MAGEA11: variants seen among roughly 807,000 people sequenced by gnomAD.
MAGEA11 encodes the protein melanoma-associated antigen 11.
A neutral mutation model predicts 8.4 loss-of-function variants in MAGEA11; 1 was observed. The observed-to-expected ratio is 0.12, with a 90% CI of 0.04 to 0.57. The LOEUF is 0.57. Ranked by LOEUF, MAGEA11 falls within the 20% of genes least tolerant of loss-of-function variation. The pLI is 0.91. For missense variants in MAGEA11, 209 were observed against 317.3 expected, an observed-to-expected ratio of 0.66 and a Z score of 2.59; for synonymous variants, 127 against 119.3, an observed-to-expected ratio of 1.06 and a Z score of -0.42.
intron 4 of MAGEA11, 37 bp downstream of exon 4, chrX:149,715,714 T>A: frequency 1.7e-6 from 2 of 1,198,264 alleles, no homozygotes; most frequent in African/African-American, 3.5e-5. Context: ...ATGGTTCATA[T>A]CTCATCTGAG....
At chrX:149,706,956 G>C (rs1473389598) in intron 1 of MAGEA11, among the ~76,000 whole-genome samples, 2 of 112,842 alleles carry the variant, frequency 1.8e-5, no homozygotes, top group Non-Finnish European at 3.7e-5. Context: ...AAGAGAGAGT[G>C]TTCAGATAGC....
intron 1 of MAGEA11, among the ~76,000 whole-genome samples, chrX:149,697,604 G>T (rs2090335081): frequency 9.1e-6 from 1 of 110,255 alleles, no homozygotes; most frequent in Admixed American, 9.6e-5. Flanking sequence ...GGGGTAGGGG[G>T]TTCCTAGGGG....
chrX:149,709,297 A>T (rs190560315), upstream of MAGEA11, among the ~76,000 whole-genome samples: 417 of 111,106 alleles, frequency 3.8e-3, 4 homozygotes, highest in African/African-American at 0.013. Flanking sequence ...AAAAAAAAAA[A>T]AAAGATCAAA....
At chrX:149,694,647 G>A (rs1304524594) in intron 1 of MAGEA11, among the ~76,000 whole-genome samples, 3 of 112,017 alleles carry the variant, frequency 2.7e-5, no homozygotes, top group Non-Finnish European at 5.6e-5. Context: ...GCCTTCAACA[G>A]TATCTGATGA....
At position 149,715,775 on chromosome X, in the gene MAGEA11, A is replaced by T; in HGVS notation, c.289A>T (p.Ile97Leu). 2.5e-6 allele frequency: 3 copies of T among 1,202,126 alleles called. No homozygotes were observed. The highest frequency in any genetic ancestry group is 3.4e-6 in the Non-Finnish European group (3 of 891,241). ...EQVLWGPITQ[I>L]FPTVRPADLT... ...CAGGCTGTGGGGCCCCATCACCCAG[A>T]TATTTCCCACAGTTCGGCCTGCTGA... The change falls in exon 5 of 5, where the codon ATA (isoleucine) becomes TTA (leucine). Residue 97 changes from isoleucine (I) to leucine (L), a missense_variant. This residue lies in a region of MAGEA11 where 131 missense variants were observed against 138.5 expected (regional missense o/e 0.95). Coordinates refer to ENST00000355220, the MANE Select transcript of MAGEA11 (RefSeq NM_005366.5).
chrX:149,713,305 T>C (rs782765668), intron 2 of MAGEA11, 50 bp downstream of exon 2: 9 of 809,465 alleles, frequency 1.1e-5, no homozygotes, highest in Non-Finnish European at 1.6e-5. Flanking sequence ...TGGCCACATG[T>C]GGTGCATCCT....
At chrX:149,693,277 A>G (rs2090317582) in intron 1 of MAGEA11, among the ~76,000 whole-genome samples, 1 of 112,285 alleles carries the variant, frequency 8.9e-6, no homozygotes, top group African/African-American at 3.2e-5. Flanking sequence ...ATTGGAATGT[A>G]TCTTATTCAG....
intron 1 of MAGEA11, among the ~76,000 whole-genome samples, chrX:149,695,796 T>G (rs782517018): frequency 1.9e-4 from 21 of 112,062 alleles, no homozygotes; most frequent in Non-Finnish European, 3.8e-4. Context: ...TTGCTGGGAA[T>G]GTTAAATTGC....
chrX:149,708,192 G>A (rs1234426696), upstream of MAGEA11, among the ~76,000 whole-genome samples: 3 of 111,963 alleles, frequency 2.7e-5, no homozygotes, highest in African/African-American at 9.8e-5. Flanking sequence ...ATTATTTCCC[G>A]AGGGTGATAT....
chrX:149,701,574 G>C (rs1236542707), intron 1 of MAGEA11, among the ~76,000 whole-genome samples: 2 of 109,571 alleles, frequency 1.8e-5, no homozygotes, highest in African/African-American at 6.7e-5. Flanking sequence ...AGTTTAATTA[G>C]ATCCCATTTG....
chrX:149,711,973 T>TCGCCC (rs1287444489), upstream of MAGEA11: 5 of 554,204 alleles, frequency 9.0e-6, no homozygotes, highest in Non-Finnish European at 1.0e-5. Flanking sequence ...CCGCCTCGCC[T>TCGCCC]CGCCCCGCCC....
chrX:149,713,551 T>C (rs2090412842), intron 2 of MAGEA11: 1 of 254,551 alleles, frequency 3.9e-6, no homozygotes, highest in Non-Finnish European at 6.8e-6. Flanking sequence ...CCTGCAAAAC[T>C]CATCCACAGT....
rs1209284963 is a variant in MAGEA11, at chrX:149,716,240, G to A, written c.754G>A (p.Val252Ile). 1 of 1,212,074 alleles carries A rather than the reference G, an allele frequency of 8.3e-7. No homozygotes were observed. The highest frequency in any genetic ancestry group is 1.1e-6 in the Non-Finnish European group (1 of 895,551). ...CACAAAGGCAGAAATGCTGGGGAGT[G>A]TCATCAAAAATTATGAGGACTACTT... ...LITKAEMLGS[V>I]IKNYEDYFPE... The change falls in exon 5 of 5, where the codon GTC (valine) becomes ATC (isoleucine). Residue 252 changes from valine (V) to isoleucine (I), a missense_variant. Around this residue, in one of 2 missense-constraint regions of MAGEA11, gnomAD observed 78 missense variants for 178.8 expected, o/e 0.44. Coordinates refer to ENST00000355220, the MANE Select transcript of MAGEA11 (RefSeq NM_005366.5).
intron 1 of MAGEA11, among the ~76,000 whole-genome samples, chrX:149,698,438 G>T (rs1292304309): frequency 9.0e-6 from 1 of 111,462 alleles, no homozygotes; most frequent in African/African-American, 3.3e-5. Context: ...AGATTGATTT[G>T]TGAATATTGA....
chrX:149,698,061 A>AT, intron 1 of MAGEA11, among the ~76,000 whole-genome samples: 1 of 112,104 alleles, frequency 8.9e-6, no homozygotes, highest in Middle Eastern at 4.6e-3. Flanking sequence ...AGTCTTGGGT[A>AT]TTTTTTTATA....
At chrX:149,710,933 C>T (rs1219176997), upstream of MAGEA11, among the ~76,000 whole-genome samples, 2 of 111,605 alleles carry the variant, frequency 1.8e-5, no homozygotes, top group Non-Finnish European at 3.8e-5. Flanking sequence ...TGAAGGAATA[C>T]TTGTGATTGG....
chrX:149,705,077 A>C (rs2090371175), intron 1 of MAGEA11, among the ~76,000 whole-genome samples: 1 of 112,590 alleles, frequency 8.9e-6, no homozygotes, highest in Non-Finnish European at 1.9e-5. Context: ...CCCTATGTTC[A>C]GCTCCAGCCC....
At chrX:149,700,431 C>T (rs2090347163) in intron 1 of MAGEA11, among the ~76,000 whole-genome samples, 1 of 111,146 alleles carries the variant, frequency 9.0e-6, no homozygotes, top group African/African-American at 3.3e-5. Context: ...AAAATATTTT[C>T]TAATTTCCTT....
intron 1 of MAGEA11, among the ~76,000 whole-genome samples, chrX:149,690,965 TCTC>T (rs1379379651): frequency 2.7e-5 from 3 of 112,122 alleles, no homozygotes; most frequent in African/African-American, 9.7e-5. Flanking sequence ...AATATAGTAC[TCTC>T]CTCTGGCTTT....
Sources: gnomAD v4.1 joint callset for allele counts (sites outside exome capture counted in the v4.1 genomes callset) on GRCh38, gnomAD v4.1.1 for gene constraint, gnomAD v4.1.1 regional missense constraint, MANE v1.5 for transcripts, NCBI Gene and HGNC (gene_info 2026-07-23, HGNC 2026-07-21) for gene names.